Variants in RMDN2 observed in about 807,000 individuals in gnomAD.
RMDN2 encodes regulator of microtubule dynamics 2.
In RMDN2, 61 loss-of-function variants were observed where a neutral mutation model predicts 52.8. That is an observed-to-expected ratio of 1.16 (90% CI 0.94 to 1.43). RMDN2 has a LOEUF of 1.43. RMDN2 is among the 40% of genes most tolerant of loss of function. RMDN2 has a pLI of 0.00. For missense variants in RMDN2, 592 were observed against 475.3 expected, an observed-to-expected ratio of 1.25 and a Z score of -2.28; for synonymous variants, 180 against 153.1, an observed-to-expected ratio of 1.18 and a Z score of -1.30.
At chr2:37,950,199 A>G in intron 2 of RMDN2, 1 of 344,062 alleles carries the variant, frequency 2.9e-6, no homozygotes, top group African/African-American at 2.1e-5. Context: ...GCAGCTGGTG[A>G]GAGAGATGGT....
Position 38,028,582 on chromosome 2 carries a change from A to G in RMDN2, c.1713+24366A>G, listed in dbSNP as rs181430022. On this transcript the variant is annotated intron_variant, in intron 10 of 10. Transcript: ENST00000234195. ...AACTTCCTCAGCAGCCCTTCTTCCC[A>G]GGGTGAGCCCTCCAAGAACTCCAGC... 1.8e-4 allele frequency among the ~76,000 whole-genome samples: 27 copies of G among 152,252 alleles called. No homozygotes were observed. The East Asian group carries it at 4.8e-3, about 27-fold the overall frequency.
chr2:37,965,418 A>G (rs1670908183), intron 2 of RMDN2, among the ~76,000 whole-genome samples: 2 of 144,370 alleles, frequency 1.4e-5, no homozygotes, highest in African/African-American at 2.6e-5. Flanking sequence ...TGCCATGGGG[A>G]TTATTCATAG....
At position 38,057,070 on chromosome 2, in the gene RMDN2, A is replaced by G. The variant is rs529352431; in HGVS notation, c.1714-9912A>G. Among the ~76,000 whole-genome samples the G allele has an allele frequency of 2.0e-5, 3 of 152,292 alleles. No homozygotes were observed. In the East Asian group the frequency reaches 5.8e-4, roughly 29 times the overall value. On this transcript the variant is annotated intron_variant, in intron 10 of 10. Coordinates refer to the RMDN2 transcript ENST00000234195. The stretch of plus-strand genomic sequence containing the variant: ...TCTAGCACAGTCCAGGGCCATTCAA[A>G]ACAGAGGTGGAAATGATGTACATAG...
At chr2:37,995,110 A>G (rs1486367327) in intron 7 of RMDN2, among the ~76,000 whole-genome samples, 2 of 152,188 alleles carry the variant, frequency 1.3e-5, no homozygotes, top group African/African-American at 4.8e-5. Flanking sequence ...GCTGAACTGT[A>G]CACTTGTAAT....
chr2:37,977,413 C>T (rs922237726), intron 4 of RMDN2, among the ~76,000 whole-genome samples: 24 of 150,398 alleles, frequency 1.6e-4, no homozygotes, highest in African/African-American at 5.4e-4. Flanking sequence ...CCAGACGGGT[C>T]GGCCGGGCAG....
chr2:37,930,969 C>T (rs377372617), intron 2 of RMDN2, among the ~76,000 whole-genome samples: 17 of 152,262 alleles, frequency 1.1e-4, no homozygotes, highest in African/African-American at 3.6e-4. Flanking sequence ...CAGACTCCCT[C>T]CAGGCTCAAG....
chr2:38,003,578 A>AGATAGATAGATAGATG (rs1558537058), intron 8 of RMDN2, among the ~76,000 whole-genome samples: 10 of 151,636 alleles, frequency 6.6e-5, no homozygotes, highest in African/African-American at 2.4e-4. Flanking sequence ...ATAGATAGAT[A>AGATAGATAGATAGATG]GATAGATAGA....
chr2:37,935,821 G>A (rs1294956801), intron 2 of RMDN2, among the ~76,000 whole-genome samples: 3 of 151,892 alleles, frequency 2.0e-5, no homozygotes, highest in African/African-American at 7.3e-5. Flanking sequence ...CTTTTTAAGT[G>A]CTATGCTGCA....
intron 10 of RMDN2, among the ~76,000 whole-genome samples, chr2:38,008,508 C>A (rs1236487745): frequency 2.0e-5 from 3 of 152,062 alleles, no homozygotes; most frequent in Non-Finnish European, 4.4e-5. Flanking sequence ...AGTCTGTTTT[C>A]TCAGAGACTG....
chr2:38,005,884 G>C (rs189836746), intron 10 of RMDN2, among the ~76,000 whole-genome samples: 1 of 152,124 alleles, frequency 6.6e-6, no homozygotes, highest in African/African-American at 2.4e-5. Flanking sequence ...TTTGTATAAG[G>C]TGTAAGGAAG....
intron 2 of RMDN2, chr2:37,952,117 C>G: frequency 6.2e-7 from 1 of 1,613,246 alleles, no homozygotes; most frequent in Middle Eastern, 1.7e-4. Flanking sequence ...AGCGAATTAA[C>G]TTCAGGCCTG....
intron 10 of RMDN2, among the ~76,000 whole-genome samples, chr2:38,049,400 C>T (rs914545272): frequency 6.6e-6 from 1 of 152,074 alleles, no homozygotes; most frequent in Non-Finnish European, 1.5e-5. Context: ...GGAGATGGCA[C>T]CCCAGACTTC....
At position 37,997,475 on chromosome 2, in the gene RMDN2, A is replaced by G. The variant is rs776589664; in HGVS notation, c.1005A>G (p.Pro335=). 4.0e-5 allele frequency: 65 copies of G among 1,613,672 alleles called. No homozygotes were observed. The highest frequency in any genetic ancestry group is 3.7e-4 in the South Asian group (34 of 91,076). Residue 335 remains proline, a synonymous_variant, in exon 8 of 11, where the codon CCA becomes CCG. Transcript: ENST00000354545. ...CTGCTACTCTGTTTGGAAAAATACC[A>G]TCTTCAACTGTACAAGAAGCTTTAC... is the stretch of plus-strand genomic sequence containing the variant. ...KMAATLFGKI[P]SSTVQEALHN...
intron 10 of RMDN2, among the ~76,000 whole-genome samples, chr2:38,041,008 C>T (rs1449014128): frequency 6.6e-6 from 1 of 151,958 alleles, no homozygotes; most frequent in Non-Finnish European, 1.5e-5. Context: ...ATTTCAAATT[C>T]CAATTGTTTA....
At chr2:38,007,187 C>T (rs1335049665) in intron 10 of RMDN2, among the ~76,000 whole-genome samples, 1 of 152,148 alleles carries the variant, frequency 6.6e-6, no homozygotes, top group Non-Finnish European at 1.5e-5. Context: ...GTATCTCTGC[C>T]AGGCTTTGGT....
intron 4 of RMDN2, among the ~76,000 whole-genome samples, chr2:37,978,590 C>G (rs961045662): frequency 1.3e-5 from 2 of 151,932 alleles, no homozygotes; most frequent in African/African-American, 4.8e-5. Context: ...CTTTGGGAGG[C>G]CAAGGCGGGC....
chr2:37,971,648 C>T (rs1445817320), intron 2 of RMDN2, among the ~76,000 whole-genome samples: 2 of 152,128 alleles, frequency 1.3e-5, no homozygotes, highest in Non-Finnish European at 2.9e-5. Context: ...CCAACTCTCC[C>T]ATGTACCACA....
In RMDN2 at chr2:38,013,020, G is replaced by A. The variant is rs189491327; in HGVS notation, c.1180-4166G>A. ...TCAGTCGTTTGGTCTCTAGAGCCCA[G>A]ATTCAAAGGTGTAAGCAGCTTTACA... is the stretch of plus-strand genomic sequence containing the variant. On this transcript the variant is annotated intron_variant, in intron 10 of 10. Transcript: ENST00000354545. Among the ~76,000 whole-genome samples, 337 of 152,328 alleles carry A rather than the reference G, an allele frequency of 2.2e-3. 1 individual carries two copies. The Middle Eastern group carries it at 0.027, about 12-fold the overall frequency.
At chr2:38,012,259 C>T (rs770898286) in intron 10 of RMDN2, among the ~76,000 whole-genome samples, 12 of 152,140 alleles carry the variant, frequency 7.9e-5, no homozygotes, top group Non-Finnish European at 1.5e-4. Flanking sequence ...GAAAGACTTC[C>T]TTGACGCCTG....
Sources: gnomAD v4.1 joint callset for allele counts (sites outside exome capture counted in the v4.1 genomes callset) on GRCh38, gnomAD v4.1.1 for gene constraint, MANE v1.5 for transcripts, NCBI Gene and HGNC (gene_info 2026-07-23, HGNC 2026-07-21) for gene names.